The following CDH13 variants were observed in gnomAD, a reference collection of about 807,000 sequenced individuals.
CDH13 encodes the protein cadherin-13.
Under a neutral mutation model 63.8 loss-of-function variants are expected in CDH13, and 24 were observed. That is an observed-to-expected ratio of 0.38 (90% CI 0.27 to 0.53). The LOEUF (loss-of-function observed/expected upper bound fraction) is 0.53, where lower values mean the gene tolerates loss of function less well. Among genes scored for constraint, CDH13 ranks in the 20% least tolerant of loss-of-function variants. The pLI, the probability that CDH13 is intolerant of heterozygous loss-of-function variation, is 0.85. For missense variants in CDH13, 1,049 were observed against 903.1 expected, an observed-to-expected ratio of 1.16 and a Z score of -2.07; for synonymous variants, 503 against 355.3, an observed-to-expected ratio of 1.42 and a Z score of -4.67.
At chr16:83,748,315 A>T (rs569405369) in intron 11 of CDH13, 65 bp downstream of exon 11, 1 of 1,454,478 alleles carries the variant, frequency 6.9e-7, no homozygotes, top group Admixed American at 2.0e-5. Flanking sequence ...TTACATTTTT[A>T]AATTTCTTCT....
At chr16:83,376,104 C>T (rs143313549) in intron 6 of CDH13, among the ~76,000 whole-genome samples, 1 of 152,144 alleles carries the variant, frequency 6.6e-6, no homozygotes, top group African/African-American at 2.4e-5. Flanking sequence ...TCTGGGATAG[C>T]TTTCCCCAGG....
At chr16:83,284,876 G>A (rs1188513270) in intron 5 of CDH13, among the ~76,000 whole-genome samples, 1 of 152,004 alleles carries the variant, frequency 6.6e-6, no homozygotes, top group Non-Finnish European at 1.5e-5. Flanking sequence ...AGTTTAATAG[G>A]GAAATGATTT....
At chr16:82,772,331 A>C (rs1415064015) in intron 1 of CDH13, among the ~76,000 whole-genome samples, 1 of 152,154 alleles carries the variant, frequency 6.6e-6, no homozygotes, top group Non-Finnish European at 1.5e-5. Flanking sequence ...GTGTGCACTA[A>C]AATGGCAAAG....
At chr16:83,509,246 G>C (rs2074498286) in intron 7 of CDH13, among the ~76,000 whole-genome samples, 1 of 152,202 alleles carries the variant, frequency 6.6e-6, no homozygotes, top group Non-Finnish European at 1.5e-5. Context: ...ACTCTTTACA[G>C]CAGGATGATA....
chr16:83,292,525 T>A lies in CDH13; in HGVS notation c.637-52337T>A, dbSNP rs118034950. On this transcript the variant is annotated intron_variant, in intron 5 of 13. Transcript: ENST00000567109. The stretch of plus-strand genomic sequence containing the variant: ...CACAGCGACAAAAAGTGTAGAGCCA[T>A]CTTTTTGTTTTGCAGCCTCTATTTC... Among the ~76,000 whole-genome samples the A allele has an allele frequency of 8.8e-3, 1,347 of 152,206 alleles. 15 individuals carry two copies. Among genetic ancestry groups the A allele is most frequent in the East Asian group, 0.06 (307 of 5,156 alleles).
intron 10 of CDH13, among the ~76,000 whole-genome samples, chr16:83,720,699 G>A (rs535308411): frequency 2.0e-5 from 3 of 152,286 alleles, no homozygotes; most frequent in Middle Eastern, 3.4e-3. Flanking sequence ...CCTTTGCCAC[G>A]CTCCACTGGC....
intron 1 of CDH13, among the ~76,000 whole-genome samples, chr16:82,855,757 T>A (rs1315391841): frequency 6.6e-6 from 1 of 152,150 alleles, no homozygotes; most frequent in East Asian, 1.9e-4. Context: ...TTGGTCAGGG[T>A]GATGACTCCC....
At chr16:82,856,187 G>A (rs1171550054) in intron 1 of CDH13, among the ~76,000 whole-genome samples, 3 of 151,682 alleles carry the variant, frequency 2.0e-5, no homozygotes, top group East Asian at 2.0e-4. Context: ...CCATCCTGGC[G>A]AACACTGTGA....
chr16:83,342,079 G>A (rs1461794176), intron 5 of CDH13, among the ~76,000 whole-genome samples: 2 of 151,060 alleles, frequency 1.3e-5, no homozygotes, highest in Admixed American at 6.6e-5. Flanking sequence ...CTACATCTGT[G>A]TTGTCTAATA....
chr16:83,477,330 T>A (rs894047708), intron 6 of CDH13, among the ~76,000 whole-genome samples: 2 of 152,136 alleles, frequency 1.3e-5, no homozygotes, highest in Non-Finnish European at 2.9e-5. Context: ...CAAAGCAAAG[T>A]GGAGAGGAGA....
chr16:83,620,853 T>G (rs1909747368), intron 8 of CDH13, among the ~76,000 whole-genome samples: 1 of 152,150 alleles, frequency 6.6e-6, no homozygotes, highest in Non-Finnish European at 1.5e-5. Context: ...GAACGGCAAT[T>G]GTGTCGTGAG....
intron 1 of CDH13, among the ~76,000 whole-genome samples, chr16:82,643,474 A>G (rs943832176): frequency 6.6e-6 from 1 of 152,248 alleles, no homozygotes; most frequent in African/African-American, 2.4e-5. Context: ...TTCAGGATTA[A>G]GACCCAGGCT....
rs139269798 is a variant in CDH13, at chr16:83,366,350, G to A, written c.781+21344G>A. The stretch of plus-strand genomic sequence containing the variant: ...GCTCCCAGAATTATGAATACTTTTG[G>A]TATGCGTGCGATGCCACTCATTACC... On this transcript the variant is annotated intron_variant, in intron 6 of 13. Coordinates refer to ENST00000567109, the MANE Select transcript of CDH13 (RefSeq NM_001257.5). Among the ~76,000 whole-genome samples, 1,480 of 152,272 alleles carry A rather than the reference G, an allele frequency of 9.7e-3. 19 individuals carry two copies. Among genetic ancestry groups the A allele is most frequent in the African/African-American group, 0.033 (1,371 of 41,548 alleles).
chr16:83,525,213 A>G (rs2074933738), intron 7 of CDH13, among the ~76,000 whole-genome samples: 1 of 152,158 alleles, frequency 6.6e-6, no homozygotes, highest in African/African-American at 2.4e-5. Context: ...TAGTACTCGG[A>G]TTGACCAGGC....
At chr16:82,629,901 C>T (rs1191504181) in intron 1 of CDH13, among the ~76,000 whole-genome samples, 1 of 152,140 alleles carries the variant, frequency 6.6e-6, no homozygotes, top group Non-Finnish European at 1.5e-5. Context: ...ATGTGATTCC[C>T]CTCCCTATTT....
At chr16:83,207,370 A>G (rs189510111) in intron 4 of CDH13, among the ~76,000 whole-genome samples, 1 of 152,346 alleles carries the variant, frequency 6.6e-6, no homozygotes, top group East Asian at 1.9e-4. Flanking sequence ...CATTTAGCAT[A>G]ATGTCCTCAA....
intron 4 of CDH13, among the ~76,000 whole-genome samples, chr16:83,196,455 A>G (rs1273748077): frequency 2.0e-5 from 3 of 152,198 alleles, no homozygotes; most frequent in Admixed American, 2.0e-4. Flanking sequence ...CAAAATTTGA[A>G]ACTTTTGCTA....
chr16:83,504,391 G>A (rs1218538940), intron 7 of CDH13, among the ~76,000 whole-genome samples: 2 of 152,180 alleles, frequency 1.3e-5, no homozygotes, highest in Non-Finnish European at 2.9e-5. Context: ...CTTCAGCTCA[G>A]AACACAGCAA....
intron 1 of CDH13, among the ~76,000 whole-genome samples, chr16:82,817,384 C>G (rs1217005708): frequency 6.6e-6 from 1 of 152,084 alleles, no homozygotes; most frequent in Non-Finnish European, 1.5e-5. Flanking sequence ...GCACAATAAG[C>G]CCAGTGGAAT....
Sources: gnomAD v4.1 joint callset for allele counts (sites outside exome capture counted in the v4.1 genomes callset) on GRCh38, gnomAD v4.1.1 for gene constraint, MANE v1.5 for transcripts, NCBI Gene and HGNC (gene_info 2026-07-23, HGNC 2026-07-21) for gene names.